The following ABL1 variants were observed in gnomAD, a reference collection of about 807,000 sequenced individuals.
ABL1 encodes tyrosine-protein kinase ABL1.
A neutral mutation model predicts 94.7 loss-of-function variants in ABL1; 11 were observed. The observed-to-expected ratio is 0.12, with a 90% CI of 0.07 to 0.19. ABL1 has a LOEUF of 0.19. ABL1 is among the 10% of genes least tolerant of loss of function. The pLI, the probability that ABL1 is intolerant of heterozygous loss-of-function variation, is 1.00. For missense variants in ABL1, 1,082 were observed against 1,489.4 expected, an observed-to-expected ratio of 0.73 and a Z score of 4.50; for synonymous variants, 656 against 622.4, an observed-to-expected ratio of 1.05 and a Z score of -0.80.
chr9:130,810,858 C>G (rs991780959), intron 1 of ABL1, among the ~76,000 whole-genome samples: 1 of 151,958 alleles, frequency 6.6e-6, no homozygotes, highest in African/African-American at 2.4e-5. Flanking sequence ...TGAAGAAAAA[C>G]TATATACTAA....
rs769721779 is a variant in ABL1, at chr9:130,872,253, G to A, written c.907+40G>A. On this transcript the variant is annotated intron_variant, in intron 5 of 10. Coordinates refer to ENST00000318560, the MANE Select transcript of ABL1 (RefSeq NM_005157.6). This position sits in a 1 kb window ranked among gnomAD's most constrained non-coding sequence, Gnocchi z 5.0. ...GGCTCTGAAGAGAGGGTCTCGCGCCGCACCCCCAGGGTGACACAGGCGCTG... is the reference window on the plus strand; with the variant it reads ...GGCTCTGAAGAGAGGGTCTCGCGCCACACCCCCAGGGTGACACAGGCGCTG... The A allele has an allele frequency of 2.7e-5, 43 of 1,577,682 alleles. No individual in the cohort carries two copies. Among genetic ancestry groups the A allele is most frequent in the African/African-American group, 1.1e-4 (8 of 74,154 alleles).
At position 130,884,685 on chromosome 9, in the gene ABL1, A is replaced by G. The variant is rs925085051; in HGVS notation, c.2395A>G (p.Lys799Glu). The G allele has an allele frequency of 3.1e-6, 5 of 1,612,918 alleles. No homozygotes were observed. Among genetic ancestry groups the G allele is most frequent in the African/African-American group, 1.3e-5 (1 of 75,050 alleles). Residue 799 changes from lysine (K) to glutamate (E), a missense_variant, in exon 11 of 11, where the codon AAA (lysine) becomes GAA (glutamate). By Grantham distance (56) the Lys-to-Glu change is moderately conservative (BLOSUM62 1). Coordinates refer to ENST00000318560, the MANE Select transcript of ABL1 (RefSeq NM_005157.6). This position sits in a 1 kb window ranked among gnomAD's most constrained non-coding sequence, Gnocchi z 5.6. The part of the protein sequence containing the change: ...KNEEAADEVF[K>E]DIMESSPGSS... ...TGAGGAAGCTGCTGATGAGGTCTTCAAAGACATCATGGAGTCCAGCCCGGG... is the reference window on the plus strand; with the variant it reads ...TGAGGAAGCTGCTGATGAGGTCTTCGAAGACATCATGGAGTCCAGCCCGGG...
upstream of ABL1, among the ~76,000 whole-genome samples, chr9:130,834,469 TG>T (rs1830533933): frequency 2.6e-5 from 4 of 152,230 alleles, no homozygotes; most frequent in Non-Finnish European, 4.4e-5. Context: ...ACATTGTCTG[TG>T]GTCAGTCCAA....
At chr9:130,829,998 A>G (rs552165863) in intron 1 of ABL1, among the ~76,000 whole-genome samples, 15 of 152,290 alleles carry the variant, frequency 9.8e-5, no homozygotes, top group African/African-American at 2.2e-4. Flanking sequence ...TACAGGGGAA[A>G]GGGATTGCTG....
intron 1 of ABL1, among the ~76,000 whole-genome samples, chr9:130,826,695 G>C (rs1380483022): frequency 6.6e-6 from 1 of 152,156 alleles, no homozygotes; most frequent in East Asian, 1.9e-4. Context: ...CCTATAAAAG[G>C]AGGGTTTAGA....
At chr9:130,738,227 G>T (rs532148969) in intron 1 of ABL1, among the ~76,000 whole-genome samples, 6 of 152,152 alleles carry the variant, frequency 3.9e-5, no homozygotes, top group Non-Finnish European at 8.8e-5. Context: ...TCAGAACATT[G>T]CACAAGGGGG....
At position 130,835,563 on chromosome 9, in the gene ABL1, G is replaced by T; in HGVS notation, c.79+38G>T. 1 of 1,521,758 alleles carries T rather than the reference G, an allele frequency of 6.6e-7. No homozygotes were observed. The highest frequency in any genetic ancestry group is 8.9e-7 in the Non-Finnish European group (1 of 1,123,336). The allele number at this position is 1,521,758 out of a possible 1,614,324, so 94.3% of individuals were successfully genotyped here. A position where few individuals can be genotyped will look rare whatever the true frequency, so the allele number is the denominator to read the frequency against. Reference sequence around the variant, plus strand: ...CGCACGGGTTGGGCTGAGTAGCCGCGCGCCCTCCCGCTGCTGCTGGGCCCT... The same window carrying T: ...CGCACGGGTTGGGCTGAGTAGCCGCTCGCCCTCCCGCTGCTGCTGGGCCCT... On this transcript the variant is annotated intron_variant, in intron 1 of 10. Transcript: ENST00000318560. The surrounding 1 kb of genome is among the most constrained non-coding windows in gnomAD (Gnocchi z 4.6).
Position 130,884,064 on chromosome 9 carries a change from C to A in ABL1, c.1774C>A (p.Pro592Thr). Residue 592 changes from proline (P) to threonine (T), a missense_variant, in exon 11 of 11, where the codon CCC (proline) becomes ACC (threonine). Pro to Thr is a conservative substitution (Grantham distance 38). Coordinates refer to ENST00000318560, the MANE Select transcript of ABL1 (RefSeq NM_005157.6). This position sits in a 1 kb window ranked among gnomAD's most constrained non-coding sequence, Gnocchi z 5.6. ...GGLNEDERLLPKDKKTNLFSA... is the reference protein window; with the variant it reads ...GGLNEDERLLTKDKKTNLFSA... ...CCTGAATGAAGATGAGCGCCTTCTC[C>A]CCAAAGACAAAAAGACCAACTTGTT... The A allele has an allele frequency of 6.2e-7, 1 of 1,613,946 alleles. No homozygotes were observed. The highest frequency in any genetic ancestry group is 1.1e-5 in the South Asian group (1 of 91,088).
At chr9:130,869,804 G>A (rs751001506) in intron 4 of ABL1, among the ~76,000 whole-genome samples, 5 of 152,110 alleles carry the variant, frequency 3.3e-5, no homozygotes, top group African/African-American at 4.8e-5. Context: ...AACTACAAAC[G>A]TAGGCTGTTT....
chr9:130,735,961 A>ATATATATATATATATTT (rs573602038), intron 1 of ABL1, among the ~76,000 whole-genome samples: 24 of 94,840 alleles, frequency 2.5e-4, no homozygotes, highest in African/African-American at 1.4e-3. Flanking sequence ...ATATATATAT[A>ATATATATATATATATTT]TTTTTTTTTT....
At chr9:130,760,874 C>T (rs1191365516) in intron 1 of ABL1, among the ~76,000 whole-genome samples, 1 of 149,718 alleles carries the variant, frequency 6.7e-6, no homozygotes, top group Non-Finnish European at 1.5e-5. Context: ...ACCATGTTGG[C>T]CAGGATGGTC....
intron 1 of ABL1, among the ~76,000 whole-genome samples, chr9:130,826,661 G>T (rs1272423688): frequency 6.6e-6 from 1 of 152,148 alleles, no homozygotes; most frequent in East Asian, 1.9e-4. Flanking sequence ...GCCTGAAGCT[G>T]AAATCAAGGG....
At chr9:130,749,611 G>T (rs1214082809) in intron 1 of ABL1, among the ~76,000 whole-genome samples, 1 of 152,158 alleles carries the variant, frequency 6.6e-6, no homozygotes, top group Non-Finnish European at 1.5e-5. Context: ...ACGTGATCTT[G>T]TAGAAGTCAC....
chr9:130,870,681 C>G (rs1447976357), intron 4 of ABL1, among the ~76,000 whole-genome samples: 1 of 152,170 alleles, frequency 6.6e-6, no homozygotes, highest in Non-Finnish European at 1.5e-5. Flanking sequence ...GGGGTGGTGA[C>G]AGAGGTGAGC....
chr9:130,763,439 G>T lies in ABL1; in HGVS notation c.136+48984G>T, dbSNP rs143402206. 2.8e-4 allele frequency among the ~76,000 whole-genome samples: 42 copies of T among 152,258 alleles called. No individual in the cohort carries two copies. The East Asian group carries it at 7.9e-3, about 29-fold the overall frequency. ...TATAATATTAAAAAGGACAGTCATG[G>T]TTCTTGCCCTTGAGGTCTGTTAGAT... On this transcript the variant is annotated intron_variant, in intron 1 of 10. Coordinates refer to the ABL1 transcript ENST00000372348.
At chr9:130,733,310 T>G (rs1395383560) in intron 1 of ABL1, among the ~76,000 whole-genome samples, 1 of 152,220 alleles carries the variant, frequency 6.6e-6, no homozygotes, top group East Asian at 1.9e-4. Context: ...GCCTTGGTAG[T>G]GAATAGATTC....
At chr9:130,873,177 A>G (rs1318713050) in intron 6 of ABL1, 140 bp downstream of exon 6, 9 of 903,222 alleles carry the variant, frequency 1.0e-5, no homozygotes, top group Non-Finnish European at 1.5e-5. Flanking sequence ...ACCTTGGAAC[A>G]AAGGCAAACA....
Position 130,804,694 on chromosome 9 carries a change from C to T in ABL1, c.137-49370C>T, listed in dbSNP as rs142923531. Among the ~76,000 whole-genome samples, 951 of 152,248 alleles carry T rather than the reference C, an allele frequency of 6.2e-3. 13 individuals are homozygous for T. Among genetic ancestry groups the T allele is most frequent in the African/African-American group, 0.021 (872 of 41,532 alleles). On this transcript the variant is annotated intron_variant, in intron 1 of 10. Transcript: ENST00000372348. Reference sequence around the variant, plus strand: ...TGAAATTTTAAACAATTTGTGCAAACGAGATCCTACTGGACCTATAAAACT... The same window carrying T: ...TGAAATTTTAAACAATTTGTGCAAATGAGATCCTACTGGACCTATAAAACT...
intron 1 of ABL1, among the ~76,000 whole-genome samples, chr9:130,746,554 T>G (rs1281793787): frequency 2.7e-5 from 4 of 150,914 alleles, no homozygotes; most frequent in African/African-American, 9.8e-5. Context: ...GAGATTGGCT[T>G]CTTTCACTGA....
Sources: allele counts gnomAD v4.1 joint callset (sites outside exome capture counted in the v4.1 genomes callset), GRCh38; gene constraint gnomAD v4.1.1; non-coding constraint Gnocchi (gnomAD v3.1); transcripts MANE v1.5; gene names NCBI Gene and HGNC (gene_info 2026-07-23, HGNC 2026-07-21).